CELF3: variants seen among roughly 807,000 people sequenced by gnomAD.
CELF3 encodes the protein CAG repeat domain.
In CELF3, 26 loss-of-function variants were observed where a neutral mutation model predicts 59.6. The observed-to-expected ratio is 0.44, with a 90% CI of 0.32 to 0.61. The LOEUF is 0.61. CELF3 is among the 20% of genes least tolerant of loss of function. The pLI is 0.06. For missense variants in CELF3, 387 were observed against 627.2 expected, an observed-to-expected ratio of 0.62 and a Z score of 4.09; for synonymous variants, 245 against 250.7, an observed-to-expected ratio of 0.98 and a Z score of 0.22.
In CELF3 at chr1:151,707,257, G is replaced by A; in HGVS notation, c.810C>T (p.Val270=). The change falls in exon 8 of 13, where the codon GTC becomes GTT. Residue 270 remains valine, a synonymous_variant. Coordinates refer to ENST00000290583, the MANE Select transcript of CELF3 (RefSeq NM_007185.7). The part of the protein sequence containing the change: ...STPPAIAATP[V]SAIPAALGVN... ...CGCCCAGGGCAGCCGGAATGGCAGAGACAGGCGTGGCAGCGATGGCAGGAG... is the reference window on the plus strand; with the variant it reads ...CGCCCAGGGCAGCCGGAATGGCAGAAACAGGCGTGGCAGCGATGGCAGGAG... 6.4e-7 allele frequency: 1 copy of A among 1,567,230 alleles called. No individual in the cohort carries two copies. The highest frequency in any genetic ancestry group is 1.2e-5 in the South Asian group (1 of 85,106).
At position 151,709,064 on chromosome 1, in the gene CELF3, C is replaced by G; in HGVS notation, c.420G>C (p.Val140=). Residue 140 remains valine (V), a synonymous_variant, in exon 5 of 13, where the codon GTG becomes GTC. Transcript: ENST00000290583. The surrounding 1 kb of genome is among the most constrained non-coding windows in gnomAD (Gnocchi z 4.9). ...PDGTSKGCAF[V]KFQTHAEAQA... ...GGGCCTCAGCGTGGGTCTGGAACTT[C>G]ACGAAGGCGCAGCCTGGAGAGGTTG... is the stretch of plus-strand genomic sequence containing the variant. 6.2e-7 allele frequency: 1 copy of G among 1,613,954 alleles called. No homozygotes were observed. The highest frequency in any genetic ancestry group is 8.5e-7 in the Non-Finnish European group (1 of 1,179,940).
At chr1:151,706,513 G>A (rs541570848) in intron 9 of CELF3, 152 bp from the exon 10 acceptor site, 4 of 1,172,930 alleles carry the variant, frequency 3.4e-6, no homozygotes, top group Non-Finnish European at 3.7e-6. Flanking sequence ...CCCTGGGTGT[G>A]CTGCCCTTAA....
chr1:151,704,744 T>C (rs750090927), intron 12 of CELF3, among the ~76,000 whole-genome samples: 2 of 151,956 alleles, frequency 1.3e-5, no homozygotes, highest in African/African-American at 4.8e-5. Flanking sequence ...AGACCAGATA[T>C]TGTGGAAGGT....
chr1:151,710,201 A>C, intron 2 of CELF3: 1 of 249,880 alleles, frequency 4.0e-6, no homozygotes, highest in Non-Finnish European at 7.9e-6. Flanking sequence ...CCCAAGGAGG[A>C]CTCTAGACTG....
chr1:151,709,435 A>G lies in CELF3; in HGVS notation c.278-87T>C. On this transcript the variant is annotated intron_variant, in intron 3 of 12. Coordinates refer to ENST00000290583, the MANE Select transcript of CELF3 (RefSeq NM_007185.7). This position sits in a 1 kb window ranked among gnomAD's most constrained non-coding sequence, Gnocchi z 4.9. The stretch of plus-strand genomic sequence containing the variant: ...TCTTCCGCCCTTCCCTGGAGCTCCT[A>G]ACACTACTTCTGCTACCCTTAGGGT... The G allele has an allele frequency of 6.4e-7, 1 of 1,571,104 alleles. No homozygotes were observed. The highest frequency in any genetic ancestry group is 8.7e-7 in the Non-Finnish European group (1 of 1,148,312).
In CELF3 at chr1:151,705,871, G is replaced by A. The variant is rs1284342379; in HGVS notation, c.1221C>T (p.Ile407=). 4 of 1,614,076 alleles carry A rather than the reference G, an allele frequency of 2.5e-6. No homozygotes were observed. The highest frequency in any genetic ancestry group is 1.3e-5 in the African/African-American group (1 of 74,926). ...LQMFVPFGHV[I]SAKVFVDRAT... ...CTCGGTCAACAAAGACTTTGGCTGAGATGACGTGGCCAAAGGGGACAAACA... is the reference window on the plus strand; with the variant it reads ...CTCGGTCAACAAAGACTTTGGCTGAAATGACGTGGCCAAAGGGGACAAACA... The change falls in exon 11 of 13, where the codon ATC becomes ATT. Residue 407 remains isoleucine, a synonymous_variant. Transcript: ENST00000290583. This position sits in a 1 kb window ranked among gnomAD's most constrained non-coding sequence, Gnocchi z 5.1.
In CELF3 at chr1:151,705,261, C is replaced by T; in HGVS notation, c.1271-93G>A. On this transcript the variant is annotated intron_variant, in intron 11 of 12. Coordinates refer to ENST00000290583, the MANE Select transcript of CELF3 (RefSeq NM_007185.7). This position sits in a 1 kb window ranked among gnomAD's most constrained non-coding sequence, Gnocchi z 5.1. ...GCACTACCCTGTGTCTCCCAAGTGT[C>T]CCAAATGCCTAGAAAGCTGCCTGCC... 1 of 1,406,008 alleles carries T rather than the reference C, an allele frequency of 7.1e-7. No homozygotes were observed. The highest frequency in any genetic ancestry group is 1.9e-4 in the Middle Eastern group (1 of 5,318). 87.1% of individuals were successfully genotyped at this position (1,406,008 alleles called of 1,614,324 possible). A position where few individuals can be genotyped will look rare whatever the true frequency, so the allele number is the denominator to read the frequency against.
rs913735989 is a variant in CELF3 at position 151,705,688 on chromosome 1, A to G, written c.1270+134T>C. ...TGGGTGTGGCATGTTGGGTGTGTCA[A>G]AATGGCTCTTTTGTACTCTTGGATA... On this transcript the variant is annotated intron_variant, in intron 11 of 12. Coordinates refer to ENST00000290583, the MANE Select transcript of CELF3 (RefSeq NM_007185.7). This position sits in a 1 kb window ranked among gnomAD's most constrained non-coding sequence, Gnocchi z 5.1. 6.8e-5 allele frequency: 67 copies of G among 989,738 alleles called. No homozygotes were observed. The highest frequency in any genetic ancestry group is 9.7e-5 in the Non-Finnish European group (65 of 669,516). The allele number at this position is 989,738 out of a possible 1,614,324, so 61.3% of individuals were successfully genotyped here.
In CELF3 at chr1:151,705,824, A is replaced by T; in HGVS notation, c.1268T>A (p.Phe423Tyr). Residue 423 changes from phenylalanine to tyrosine, a missense_variant and splice_region_variant, in exon 11 of 13, where the codon TTT (phenylalanine) becomes TAT (tyrosine). Transcript: ENST00000290583. This position sits in a 1 kb window ranked among gnomAD's most constrained non-coding sequence, Gnocchi z 5.1. ...AATGTGCCATATCATATTCTTACCA[A>T]AACATTTGCTTTGATTGGTGGCTCG... ...VDRATNQSKC[F>Y]GFVSFDNPAS... The T allele has an allele frequency of 6.2e-7, 1 of 1,614,052 alleles. No individual in the cohort carries two copies. Among genetic ancestry groups the T allele is most frequent in the Non-Finnish European group, 8.5e-7 (1 of 1,180,000 alleles).
chr1:151,707,149 G>C lies in CELF3; in HGVS notation c.918C>G (p.Tyr306Ter). The C allele has an allele frequency of 6.7e-7, 1 of 1,500,662 alleles. No homozygotes were observed. Among genetic ancestry groups the C allele is most frequent in the Non-Finnish European group, 8.9e-7 (1 of 1,129,092 alleles). 93.0% of individuals were successfully genotyped at this position (1,500,662 alleles called of 1,614,324 possible). A position where few individuals can be genotyped will look rare whatever the true frequency, so the allele number is the denominator to read the frequency against. ...TGGGCAGGCAGAGAGTCCCACCTGG[G>C]TAGGGGTGAACCCCGTTGGGATACA... ...DALYPNGVHP[Y>*]PAQSPAAPVD... The change falls in exon 8 of 13, where the codon TAC becomes TAG. Residue 306 changes from tyrosine (Y) to a stop codon, truncating the protein, a stop_gained. Transcript: ENST00000290583. LOFTEE classifies it high-confidence loss of function.
At chr1:151,706,397 C>G in intron 9 of CELF3, 36 bp from the exon 10 acceptor site, 2 of 1,516,986 alleles carry the variant, frequency 1.3e-6, no homozygotes, top group Non-Finnish European at 1.8e-6. Context: ...GATGGGGCTT[C>G]CCTGACTTCT....
chr1:151,710,646 T>C (rs1672946485), intron 2 of CELF3: 2 of 456,318 alleles, frequency 4.4e-6, no homozygotes, highest in Non-Finnish European at 8.8e-6. Flanking sequence ...CCTTGGTGCC[T>C]GGAGGGCTCT....
chr1:151,711,191 AG>A, intron 2 of CELF3: 1 of 238,146 alleles, frequency 4.2e-6, no homozygotes, highest in Non-Finnish European at 8.4e-6. Flanking sequence ...CTGTAAAACA[AG>A]GGGGTGGGCC....
rs938701462 is a variant in CELF3 at position 151,707,171 on chromosome 1, T to G, written c.896A>C (p.Tyr299Ser). 6.5e-7 allele frequency: 1 copy of G among 1,527,738 alleles called. No individual in the cohort carries two copies. The highest frequency in any genetic ancestry group is 8.7e-7 in the Non-Finnish European group (1 of 1,143,714). 94.6% of individuals were successfully genotyped at this position (1,527,738 alleles called of 1,614,324 possible). The stretch of plus-strand genomic sequence containing the variant: ...TGGGTAGGGGTGAACCCCGTTGGGA[T>G]ACAGAGCATCAGGGGCAGGCTGCCC... ...PTGQPAPDAL[Y>S]PNGVHPYPAQ... The change falls in exon 8 of 13, where the codon TAT becomes TCT. Residue 299 changes from tyrosine (Y) to serine (S), a missense_variant. This residue lies in a region of CELF3 where 131 missense variants were observed against 153.7 expected (regional missense o/e 0.85). Transcript: ENST00000290583.
intron 5 of CELF3, 140 bp downstream of exon 5, chr1:151,708,858 G>T (rs1203418212): frequency 1.4e-6 from 1 of 719,360 alleles, no homozygotes; most frequent in Non-Finnish European, 2.3e-6. Flanking sequence ...GTGTCCCTAA[G>T]CAGTTTGGTT....
chr1:151,713,142 C>T (rs553024681), intron 2 of CELF3, among the ~76,000 whole-genome samples: 1 of 152,190 alleles, frequency 6.6e-6, no homozygotes, highest in Non-Finnish European at 1.5e-5. Context: ...GGATTCTGTC[C>T]CCTGGGACAA....
At chr1:151,706,848 G>T (rs141540689) in intron 8 of CELF3, 114 bp from the exon 9 acceptor site, 245 of 820,588 alleles carry the variant, frequency 3.0e-4, no homozygotes, top group Non-Finnish European at 4.2e-4. Context: ...GCTTCTCTGG[G>T]CATGGGGTGT....
At chr1:151,707,003 A>T in intron 8 of CELF3, 142 bp downstream of exon 8, 1 of 1,066,310 alleles carries the variant, frequency 9.4e-7, no homozygotes, top group Non-Finnish European at 1.3e-6. Flanking sequence ...CCCAACAGGA[A>T]GGATCATCCC....
At position 151,716,102 on chromosome 1, in the gene CELF3, G is replaced by C; in HGVS notation, c.-82C>G. On this transcript the variant is annotated 5_prime_UTR_variant, in exon 1 of 13. Transcript: ENST00000290583. ...GGAGCTGCCCAGCAAGGAGATAAGT[G>C]GTGGGGCCCGGGGGCCCAGCTGGGG... 7.0e-7 allele frequency: 1 copy of C among 1,433,898 alleles called. No homozygotes were observed. Among genetic ancestry groups the C allele is most frequent in the Non-Finnish European group, 9.3e-7 (1 of 1,074,192 alleles). The allele number at this position is 1,433,898 out of a possible 1,614,324, so 88.8% of individuals were successfully genotyped here.
Sources: gnomAD v4.1 joint callset for allele counts (sites outside exome capture counted in the v4.1 genomes callset) on GRCh38, gnomAD v4.1.1 for gene constraint, gnomAD v4.1.1 regional missense constraint, Gnocchi (gnomAD v3.1) non-coding constraint, MANE v1.5 for transcripts, NCBI Gene and HGNC (gene_info 2026-07-23, HGNC 2026-07-21) for gene names.